The following PCDH9 variants were observed in gnomAD, a reference collection of about 807,000 sequenced individuals.
PCDH9 encodes protocadherin 9.
Under a neutral mutation model 70.6 loss-of-function variants are expected in PCDH9, and 24 were observed. The ratio of observed to expected loss-of-function variants is 0.34; its 90% CI spans 0.25 to 0.48. PCDH9 has a LOEUF of 0.48. Ranked by LOEUF, PCDH9 falls within the 20% of genes least tolerant of loss-of-function variation. The probability of loss-of-function intolerance (pLI) is 0.99; values close to 1 mark genes in which losing one functional copy is unlikely to be tolerated. For missense variants in PCDH9, 1,281 were observed against 1,503.6 expected (o/e 0.85, Z 2.45); for synonymous variants, 562 against 558.5 (o/e 1.01, Z -0.09).
intron 3 of PCDH9, among the ~76,000 whole-genome samples, chr13:66,884,313 A>C (rs1030060659): frequency 6.6e-6 from 1 of 152,102 alleles, no homozygotes; most frequent in Non-Finnish European, 1.5e-5. Flanking sequence ...TCAGAATCCA[A>C]TTGTTTCTGT....
intron 2 of PCDH9, among the ~76,000 whole-genome samples, chr13:67,041,108 T>G (rs76331718): frequency 0.11 from 16,517 of 152,094 alleles, 981 homozygotes; most frequent in Middle Eastern, 0.16. Flanking sequence ...TAATAGAATG[T>G]TGTTAAAAGG....
At position 66,714,576 on chromosome 13, in the gene PCDH9, G is replaced by T. The variant is rs542189550; in HGVS notation, c.3139-83165C>A. 3.3e-4 allele frequency among the ~76,000 whole-genome samples: 50 copies of T among 152,044 alleles called. 1 individual carries two copies. The Middle Eastern group carries it at 0.027, about 83-fold the overall frequency. ...ATATTAATATTAGTAATAAATTAAT[G>T]GTATATGACTGTCTGTCTATCTAAT... On this transcript the variant is annotated intron_variant, in intron 3 of 4. Coordinates refer to ENST00000377865, the MANE Select transcript of PCDH9 (RefSeq NM_203487.3).
intron 3 of PCDH9, among the ~76,000 whole-genome samples, chr13:66,687,945 G>C (rs565156149): frequency 6.6e-6 from 1 of 151,998 alleles, no homozygotes; most frequent in Non-Finnish European, 1.5e-5. Context: ...TTTATGGTGT[G>C]AAATTAAGTA....
intron 3 of PCDH9, among the ~76,000 whole-genome samples, chr13:66,642,937 G>T (rs2077727153): frequency 6.6e-6 from 1 of 151,918 alleles, no homozygotes; most frequent in Non-Finnish European, 1.5e-5. Flanking sequence ...CAACTTATAT[G>T]CAGAAATGTT....
At chr13:66,355,670 A>G (rs1341596647) in intron 4 of PCDH9, among the ~76,000 whole-genome samples, 2 of 152,132 alleles carry the variant, frequency 1.3e-5, no homozygotes, top group African/African-American at 2.4e-5. Context: ...ATATACATTA[A>G]ATAAGGCATC....
chr13:67,181,078 C>T lies in PCDH9; in HGVS notation c.3036+44327G>A, dbSNP rs1396915694. Among the ~76,000 whole-genome samples the T allele has an allele frequency of 2.0e-5, 3 of 152,000 alleles. No individual in the cohort carries two copies. The East Asian group carries it at 5.8e-4, about 29-fold the overall frequency. On this transcript the variant is annotated intron_variant, in intron 2 of 4. Coordinates refer to ENST00000377865, the MANE Select transcript of PCDH9 (RefSeq NM_203487.3). ...TTAACAGTGGGAGATGTGTCGGAACCCAGAGACAATCAGCTTGGCCTTTAC... is the reference window on the plus strand; with the variant it reads ...TTAACAGTGGGAGATGTGTCGGAACTCAGAGACAATCAGCTTGGCCTTTAC...
At chr13:66,982,689 C>T (rs1256461111) in intron 2 of PCDH9, among the ~76,000 whole-genome samples, 1 of 152,130 alleles carries the variant, frequency 6.6e-6, no homozygotes, top group Non-Finnish European at 1.5e-5. Context: ...CAGGGTAGGA[C>T]TCCCCTGAAA....
intron 4 of PCDH9, among the ~76,000 whole-genome samples, chr13:66,369,010 A>AAG (rs1956600783): frequency 1.3e-5 from 2 of 152,152 alleles, no homozygotes; most frequent in African/African-American, 4.8e-5. Flanking sequence ...GTGGAGATGC[A>AAG]GCCAAGCCAT....
At chr13:66,318,096 C>T (rs1955686687) in intron 4 of PCDH9, among the ~76,000 whole-genome samples, 1 of 152,084 alleles carries the variant, frequency 6.6e-6, no homozygotes. Context: ...CAGGGTGATA[C>T]ATAGGAGGAT....
At chr13:66,611,491 C>T (rs1295864043) in intron 4 of PCDH9, among the ~76,000 whole-genome samples, 1 of 152,068 alleles carries the variant, frequency 6.6e-6, no homozygotes, top group Non-Finnish European at 1.5e-5. Context: ...ACAGAAATAC[C>T]AAAATCCCTC....
intron 4 of PCDH9, among the ~76,000 whole-genome samples, chr13:66,346,568 C>T (rs775027537): frequency 6.6e-6 from 1 of 152,156 alleles, no homozygotes; most frequent in Non-Finnish European, 1.5e-5. Context: ...CTGTATAAAC[C>T]CATCCATCAC....
chr13:66,682,876 G>A (rs2078347431), intron 3 of PCDH9, among the ~76,000 whole-genome samples: 1 of 152,138 alleles, frequency 6.6e-6, no homozygotes, highest in African/African-American at 2.4e-5. Flanking sequence ...AAATAGACCT[G>A]TATGGGCAAA....
At chr13:66,507,627 A>C (rs1286450781) in intron 4 of PCDH9, among the ~76,000 whole-genome samples, 5 of 152,160 alleles carry the variant, frequency 3.3e-5, no homozygotes, top group Non-Finnish European at 2.9e-5. Flanking sequence ...AAAATATAGG[A>C]TTGCCAGTGG....
intron 3 of PCDH9, among the ~76,000 whole-genome samples, chr13:66,687,625 T>G (rs1269880725): frequency 6.6e-6 from 1 of 152,174 alleles, no homozygotes; most frequent in East Asian, 1.9e-4. Flanking sequence ...CTTTAGTGCC[T>G]GCTATTTGCA....
intron 4 of PCDH9, among the ~76,000 whole-genome samples, chr13:66,401,958 A>G (rs1422218216): frequency 6.6e-6 from 1 of 152,118 alleles, no homozygotes; most frequent in African/African-American, 2.4e-5. Context: ...CAATTATTCA[A>G]TTTGTCTTTG....
intron 2 of PCDH9, among the ~76,000 whole-genome samples, chr13:66,907,906 G>C (rs962009945): frequency 1.3e-5 from 2 of 152,032 alleles, no homozygotes; most frequent in African/African-American, 2.4e-5. Context: ...TTGTACTTTT[G>C]TGCTATAGGT....
At chr13:67,011,238 C>T (rs759797310) in intron 2 of PCDH9, among the ~76,000 whole-genome samples, 3 of 151,946 alleles carry the variant, frequency 2.0e-5, no homozygotes, top group South Asian at 2.1e-4. Flanking sequence ...CTACATTCAA[C>T]GTAAACATCA....
intron 2 of PCDH9, chr13:67,211,719 C>A (rs1373020808): frequency 6.6e-6 from 1 of 152,002 alleles, no homozygotes; most frequent in Non-Finnish European, 1.5e-5. Flanking sequence ...ACGTTTATAT[C>A]ATTGCATTGG....
intron 2 of PCDH9, chr13:67,200,897 A>G (rs893225382): frequency 6.6e-6 from 1 of 152,072 alleles, no homozygotes; most frequent in African/African-American, 2.4e-5. Flanking sequence ...TAACCAAACC[A>G]CATGTTTTCA....
Sources: allele counts gnomAD v4.1 joint callset (sites outside exome capture counted in the v4.1 genomes callset), GRCh38; gene constraint gnomAD v4.1.1; transcripts MANE v1.5; gene names NCBI Gene and HGNC (gene_info 2026-07-23, HGNC 2026-07-21).